The following PEX5L variants were observed in gnomAD, a reference collection of about 807,000 sequenced individuals.
The protein encoded by PEX5L is PEX5-related protein.
In PEX5L, 30 loss-of-function variants were observed where a neutral mutation model predicts 84.0. The ratio of observed to expected loss-of-function variants is 0.36; its 90% CI spans 0.27 to 0.48. The LOEUF (loss-of-function observed/expected upper bound fraction) is 0.48, where lower values mean the gene tolerates loss of function less well. Among genes scored for constraint, PEX5L ranks in the 20% least tolerant of loss-of-function variants. PEX5L has a pLI of 0.99. For missense variants in PEX5L, 533 were observed against 754.6 expected (o/e 0.71, Z 3.44); for synonymous variants, 270 against 283.1 (o/e 0.95, Z 0.46).
At chr3:179,812,542 T>G (rs548991979) in intron 10 of PEX5L, among the ~76,000 whole-genome samples, 64 of 152,282 alleles carry the variant, frequency 4.2e-4, no homozygotes, top group African/African-American at 1.3e-3. Flanking sequence ...TGAATGGCTA[T>G]TCCATTATTT....
intron 1 of PEX5L, among the ~76,000 whole-genome samples, chr3:180,033,402 T>TAA (rs11388187): frequency 6.6e-6 from 1 of 151,926 alleles, no homozygotes; most frequent in African/African-American, 2.4e-5. Context: ...TTTCTTTTAT[T>TAA]AAAAAACCCA....
intron 1 of PEX5L, among the ~76,000 whole-genome samples, chr3:180,005,260 A>C: frequency 6.6e-6 from 1 of 151,016 alleles, no homozygotes; most frequent in Admixed American, 6.6e-5. Context: ...AAAAGTTTTT[A>C]TTTTTTTTTG....
At chr3:179,825,801 G>A (rs917921807) in intron 8 of PEX5L, among the ~76,000 whole-genome samples, 30 of 152,288 alleles carry the variant, frequency 2.0e-4, no homozygotes, top group African/African-American at 7.2e-4. Context: ...AGCGTTAAGC[G>A]AAACAATGTA....
chr3:179,921,103 T>C (rs1305741707), intron 2 of PEX5L, among the ~76,000 whole-genome samples: 3 of 152,146 alleles, frequency 2.0e-5, no homozygotes, highest in African/African-American at 7.2e-5. Flanking sequence ...ATAAATCTTC[T>C]AGGAAATTGT....
At chr3:179,924,191 G>A (rs1578529144) in intron 2 of PEX5L, among the ~76,000 whole-genome samples, 1 of 152,316 alleles carries the variant, frequency 6.6e-6, no homozygotes, top group South Asian at 2.1e-4. Flanking sequence ...CTTGAGATGA[G>A]ATTTTGTTGC....
chr3:179,922,847 TA>T (rs1412584319), intron 2 of PEX5L, among the ~76,000 whole-genome samples: 2 of 152,242 alleles, frequency 1.3e-5, no homozygotes, highest in Non-Finnish European at 2.9e-5. Context: ...TCAACTAATT[TA>T]AAAATCTTCA....
intron 1 of PEX5L, among the ~76,000 whole-genome samples, chr3:180,004,238 G>A (rs755590393): frequency 3.9e-5 from 6 of 152,314 alleles, no homozygotes; most frequent in Middle Eastern, 3.4e-3. Flanking sequence ...GACCACTGAT[G>A]CTAGCTACAT....
intron 2 of PEX5L, among the ~76,000 whole-genome samples, chr3:179,957,692 C>T (rs149821766): frequency 6.6e-5 from 10 of 152,210 alleles, no homozygotes; most frequent in African/African-American, 2.4e-4. Flanking sequence ...TGGTTTTGTG[C>T]CAGGTGTAGA....
At chr3:180,002,477 A>G (rs1788513857) in intron 1 of PEX5L, among the ~76,000 whole-genome samples, 1 of 152,016 alleles carries the variant, frequency 6.6e-6, no homozygotes, top group South Asian at 2.1e-4. Context: ...TAATTTGATC[A>G]TCTTGTTATA....
chr3:179,882,272 G>A (rs1418702203), intron 4 of PEX5L, among the ~76,000 whole-genome samples: 1 of 152,216 alleles, frequency 6.6e-6, no homozygotes, highest in African/African-American at 2.4e-5. Flanking sequence ...CAGCTGGCAA[G>A]TACTAATTTA....
intron 9 of PEX5L, among the ~76,000 whole-genome samples, chr3:179,818,592 C>T (rs753931544): frequency 2.0e-5 from 3 of 152,056 alleles, no homozygotes; most frequent in African/African-American, 7.2e-5. Context: ...TTCCCTACCC[C>T]CCTCCCCTGC....
intron 7 of PEX5L, among the ~76,000 whole-genome samples, chr3:179,867,216 T>C (rs1748649446): frequency 1.3e-5 from 2 of 152,030 alleles, no homozygotes; most frequent in Non-Finnish European, 2.9e-5. Context: ...GAACAGTCTA[T>C]TATCGGGCAA....
intron 14 of PEX5L, 114 bp from the exon 15 acceptor site, chr3:179,802,146 T>G: frequency 1.4e-6 from 1 of 716,812 alleles, no homozygotes. Flanking sequence ...TTAAATCACC[T>G]CTTACGTGTT....
At chr3:180,012,956 G>A (rs963054897) in intron 1 of PEX5L, among the ~76,000 whole-genome samples, 2 of 152,002 alleles carry the variant, frequency 1.3e-5, no homozygotes, top group Admixed American at 6.5e-5. Context: ...TTCTATTCAC[G>A]ATTATGTTAC....
chr3:179,880,274 G>C (rs966419409), intron 4 of PEX5L, 151 bp from the exon 5 acceptor site: 3 of 515,350 alleles, frequency 5.8e-6, no homozygotes, highest in Non-Finnish European at 1.0e-5. Flanking sequence ...GAGACAGCTT[G>C]TTAGACTGGG....
chr3:179,973,385 T>C, intron 1 of PEX5L: 1 of 1,112,782 alleles, frequency 9.0e-7, no homozygotes, highest in Non-Finnish European at 1.1e-6. Context: ...TTGTCTTGAC[T>C]TTGTAAACAT....
chr3:179,881,762 T>C (rs1754224733), intron 4 of PEX5L, among the ~76,000 whole-genome samples: 1 of 152,178 alleles, frequency 6.6e-6, no homozygotes, highest in African/African-American at 2.4e-5. Context: ...GACAAAGATA[T>C]TGGTTCTACA....
chr3:179,942,310 C>T (rs1426400750), intron 2 of PEX5L, among the ~76,000 whole-genome samples: 1 of 152,234 alleles, frequency 6.6e-6, no homozygotes. Context: ...TTTTGGAGCA[C>T]TTTGCACCTG....
intron 7 of PEX5L, among the ~76,000 whole-genome samples, chr3:179,865,344 TA>T (rs1421411275): frequency 3.3e-5 from 5 of 152,148 alleles, no homozygotes; most frequent in Admixed American, 2.6e-4. Flanking sequence ...CAAAGATCAG[TA>T]AATACTGAAG....
Sources: allele counts gnomAD v4.1 joint callset (sites outside exome capture counted in the v4.1 genomes callset), GRCh38; gene constraint gnomAD v4.1.1; transcripts MANE v1.5; gene names NCBI Gene and HGNC (gene_info 2026-07-23, HGNC 2026-07-21).